Variants in SYT14 observed in about 807,000 individuals in gnomAD.
SYT14 encodes the protein synaptotagmin 14.
Under a neutral mutation model 74.2 loss-of-function variants are expected in SYT14, and 32 were observed. The observed-to-expected ratio is 0.43, with a 90% confidence interval of 0.33 to 0.58. The LOEUF (loss-of-function observed/expected upper bound fraction) is 0.58. Ranked by LOEUF, SYT14 falls within the 20% of genes least tolerant of loss-of-function variation. SYT14 has a pLI of 0.05. For synonymous variants in SYT14, 298 were observed against 337.7 expected, an observed-to-expected ratio of 0.88 and a Z score of 1.29; for missense variants, 791 against 981.8, an observed-to-expected ratio of 0.81 and a Z score of 2.60.
At chr1:210,097,834 T>C (rs908202731) in intron 6 of SYT14, among the ~76,000 whole-genome samples, 5 of 152,184 alleles carry the variant, frequency 3.3e-5, no homozygotes, top group Non-Finnish European at 7.3e-5. Flanking sequence ...TGTTCTTCTG[T>C]TGTTTTTTTT....
At chr1:210,168,132 T>C (rs994031250) in exon 10 of SYT14, 3 of 153,292 alleles carry the variant, frequency 2.0e-5, no homozygotes, top group Admixed American at 1.3e-4. Flanking sequence ...CCTAAAATTA[T>C]GTTGTGTGGG....
intron 5 of SYT14, among the ~76,000 whole-genome samples, chr1:210,043,917 T>G (rs574114363): frequency 6.6e-6 from 1 of 152,344 alleles, no homozygotes; most frequent in East Asian, 1.9e-4. Flanking sequence ...TTCCAGATTT[T>G]TTATTAGGAT....
intron 5 of SYT14, among the ~76,000 whole-genome samples, 199 bp downstream of exon 4, chr1:210,021,453 A>G (rs2102954126): frequency 6.6e-6 from 1 of 152,368 alleles, no homozygotes; most frequent in South Asian, 2.1e-4. Flanking sequence ...AACACCCCAA[A>G]GCAAAAACCA....
intron 2 of SYT14, among the ~76,000 whole-genome samples, chr1:209,994,093 T>A (rs2079744008): frequency 6.6e-6 from 1 of 152,140 alleles, no homozygotes; most frequent in African/African-American, 2.4e-5. Flanking sequence ...AAAGCCAAAG[T>A]GTCCCCCTAC....
chr1:210,047,040 T>C (rs2080897799), intron 5 of SYT14, among the ~76,000 whole-genome samples: 2 of 152,116 alleles, frequency 1.3e-5, no homozygotes, highest in Non-Finnish European at 2.9e-5. Flanking sequence ...TTTAATTCTA[T>C]AATTAATTAA....
intron 7 of SYT14, among the ~76,000 whole-genome samples, chr1:210,124,562 G>T (rs1398103375): frequency 6.6e-6 from 1 of 152,164 alleles, no homozygotes; most frequent in South Asian, 2.1e-4. Flanking sequence ...ACCCCCTGAT[G>T]ACATAAAAAT....
intron 2 of SYT14, among the ~76,000 whole-genome samples, chr1:209,968,409 ATCATATGGAGTAGTT>A (rs981169925): frequency 6.6e-6 from 1 of 151,908 alleles, no homozygotes; most frequent in Non-Finnish European, 1.5e-5. Flanking sequence ...ATGGAGTAGT[ATCATATGGAGTAGTT>A]TCATATGGTA....
intron 2 of SYT14, among the ~76,000 whole-genome samples, chr1:210,013,305 A>C (rs1214486190): frequency 6.6e-6 from 1 of 151,972 alleles, no homozygotes; most frequent in Non-Finnish European, 1.5e-5. Context: ...TCTTGGCCTC[A>C]AGAGGTTCTC....
At chr1:210,034,989 C>T (rs1310358992) in intron 5 of SYT14, among the ~76,000 whole-genome samples, 1 of 151,478 alleles carries the variant, frequency 6.6e-6, no homozygotes, top group Non-Finnish European at 1.5e-5. Flanking sequence ...AGGTATATAC[C>T]CCAGTATTGG....
exon 10 of SYT14, chr1:210,165,577 A>G (rs1176893834): frequency 1.3e-5 from 2 of 152,186 alleles, no homozygotes; most frequent in African/African-American, 2.4e-5. Context: ...TGTCTAGCCC[A>G]TATCTCACTC....
chr1:210,046,199 T>G (rs978072557), intron 5 of SYT14, among the ~76,000 whole-genome samples: 4 of 152,074 alleles, frequency 2.6e-5, no homozygotes, highest in Non-Finnish European at 5.9e-5. Flanking sequence ...TTAGGTGAGA[T>G]CCTGTCTCTG....
intron 7 of SYT14, among the ~76,000 whole-genome samples, chr1:210,134,343 G>A (rs529965822): frequency 6.6e-6 from 1 of 152,234 alleles, no homozygotes; most frequent in South Asian, 2.1e-4. Context: ...CTGGGCTCAA[G>A]CAATCCACCC....
At chr1:210,064,495 A>T (rs1223797810) in intron 5 of SYT14, among the ~76,000 whole-genome samples, 1 of 152,072 alleles carries the variant, frequency 6.6e-6, no homozygotes, top group Non-Finnish European at 1.5e-5. Context: ...TATGTTACAA[A>T]TAACTGATGT....
intron 7 of SYT14, 126 bp from the exon 7 acceptor site, chr1:210,155,595 G>A (rs1363613532): frequency 1.0e-6 from 1 of 955,814 alleles, no homozygotes. Context: ...TTCTAATCTG[G>A]TGTTTGGTTT....
intron 2 of SYT14, among the ~76,000 whole-genome samples, chr1:209,956,563 A>G (rs1174398989): frequency 6.6e-6 from 1 of 152,190 alleles, no homozygotes; most frequent in Non-Finnish European, 1.5e-5. Context: ...TTACCATGTC[A>G]ATAATTCAGT....
intron 5 of SYT14, among the ~76,000 whole-genome samples, chr1:210,045,739 A>G (rs1338776622): frequency 6.6e-6 from 1 of 152,198 alleles, no homozygotes; most frequent in African/African-American, 2.4e-5. Flanking sequence ...AAATATTAGT[A>G]ATAAATGAGT....
rs371677085 is a variant in SYT14, at chr1:210,013,613, G to C, written c.-485-20G>C. 6.2e-7 allele frequency: 1 copy of C among 1,607,488 alleles called. No homozygotes were observed. Among genetic ancestry groups the C allele is most frequent in the African/African-American group, 1.3e-5 (1 of 74,480 alleles). ...TAAAGAAAAATAAATGCTTACAGCT[G>C]TGACTTTTTTTTTCTCTAGTATCTC... is the stretch of plus-strand genomic sequence containing the variant. On this transcript the variant is annotated intron_variant, in intron 2 of 9. Transcript: ENST00000637265.
intron 5 of SYT14, among the ~76,000 whole-genome samples, chr1:210,031,120 TG>T (rs1431917554): frequency 1.3e-5 from 2 of 148,726 alleles, no homozygotes; most frequent in Non-Finnish European, 3.0e-5. Context: ...TGGTAGAGAT[TG>T]GGGGTTTCTC....
chr1:210,153,237 C>T (rs1436659052), intron 7 of SYT14, among the ~76,000 whole-genome samples: 2 of 152,182 alleles, frequency 1.3e-5, no homozygotes, highest in African/African-American at 2.4e-5. Context: ...GCTTTGTCCT[C>T]ACCACATTTG....
Sources: gnomAD v4.1 joint callset for allele counts (sites outside exome capture counted in the v4.1 genomes callset) on GRCh38, gnomAD v4.1.1 for gene constraint, MANE v1.5 for transcripts, NCBI Gene and HGNC (gene_info 2026-07-23, HGNC 2026-07-21) for gene names.